Variants in GRID2 observed in about 807,000 individuals in gnomAD.
GRID2 encodes the protein glutamate receptor ionotropic, delta-2.
A neutral mutation model predicts 114.8 loss-of-function variants in GRID2; 33 were observed. The ratio of observed to expected loss-of-function variants is 0.29; its 90% CI spans 0.22 to 0.38. The LOEUF is 0.38. GRID2 is among the 10% of genes least tolerant of loss of function. The pLI is 1.00. For synonymous variants in GRID2, 505 were observed against 449.9 expected (o/e 1.12, Z -1.55); for missense variants, 1,184 against 1,257.7 (o/e 0.94, Z 0.89).
chr4:93,745,117 G>A (rs1033350321), intron 14 of GRID2, among the ~76,000 whole-genome samples: 1 of 152,094 alleles, frequency 6.6e-6, no homozygotes, highest in African/African-American at 2.4e-5. Context: ...TATTACAGTG[G>A]TCCTGAACTG....
intron 10 of GRID2, among the ~76,000 whole-genome samples, chr4:93,431,300 T>C (rs1300356659): frequency 1.3e-5 from 2 of 152,108 alleles, no homozygotes; most frequent in East Asian, 3.9e-4. Flanking sequence ...CTGTGGGTGG[T>C]AGTTGAAATC....
At chr4:93,354,297 T>C (rs1003440735) in intron 8 of GRID2, among the ~76,000 whole-genome samples, 2 of 152,062 alleles carry the variant, frequency 1.3e-5, no homozygotes, top group Non-Finnish European at 2.9e-5. Flanking sequence ...TTTCTTATAA[T>C]TTAAATTGCA....
rs535531806 is a variant in GRID2 at position 93,204,506 on chromosome 4, A to G, written c.736-2898A>G. ...TGTTAATACTCATGAATAAAACCAA[A>G]GACCAGAAGGAGAGACTATCTCCTT... On this transcript the variant is annotated intron_variant, in intron 4 of 15. Coordinates refer to ENST00000282020, the MANE Select transcript of GRID2 (RefSeq NM_001510.4). Among the ~76,000 whole-genome samples, 24 of 152,288 alleles carry G rather than the reference A, an allele frequency of 1.6e-4. 1 individual carries two copies. The highest frequency in any genetic ancestry group is 1.6e-3 in the Admixed American group (24 of 15,290).
chr4:93,723,666 A>G (rs765260135), intron 14 of GRID2, among the ~76,000 whole-genome samples: 23 of 152,230 alleles, frequency 1.5e-4, no homozygotes, highest in Non-Finnish European at 2.9e-4. Flanking sequence ...TAAAGATACC[A>G]TCAATATGTA....
intron 2 of GRID2, among the ~76,000 whole-genome samples, chr4:92,951,531 C>A (rs576750184): frequency 1.3e-5 from 2 of 151,874 alleles, no homozygotes; most frequent in Admixed American, 1.3e-4. Context: ...TTTGCTGAGA[C>A]AGGGTTTCAA....
chr4:92,987,196 A>T lies in GRID2; in HGVS notation c.245-97799A>T, dbSNP rs538760411. Among the ~76,000 whole-genome samples, 212 of 152,334 alleles carry T rather than the reference A, an allele frequency of 1.4e-3. 1 individual carries two copies. The highest frequency in any genetic ancestry group is 4.9e-3 in the African/African-American group (204 of 41,566). ...ACTAAACTTACGAGTAAGAAATCAG[A>T]ATCTCTAAAATACGGTGACTGATAA... On this transcript the variant is annotated intron_variant, in intron 2 of 15. Transcript: ENST00000282020.
At chr4:93,596,005 C>T (rs770367904) in intron 13 of GRID2, among the ~76,000 whole-genome samples, 19 of 152,146 alleles carry the variant, frequency 1.2e-4, no homozygotes, top group Admixed American at 2.6e-4. Flanking sequence ...ACTGAGGTCC[C>T]GAGTAGTTAA....
chr4:92,850,649 A>G (rs894712171), intron 2 of GRID2, among the ~76,000 whole-genome samples: 5 of 151,922 alleles, frequency 3.3e-5, no homozygotes, highest in Admixed American at 2.0e-4. Context: ...AAGAAATTTC[A>G]AGAAAGGTGA....
intron 2 of GRID2, among the ~76,000 whole-genome samples, chr4:92,857,190 G>T (rs1041903323): frequency 6.6e-6 from 1 of 152,096 alleles, no homozygotes; most frequent in African/African-American, 2.4e-5. Flanking sequence ...TTGAAATTGG[G>T]CCAATTAACA....
intron 8 of GRID2, among the ~76,000 whole-genome samples, chr4:93,354,290 C>T (rs1761097262): frequency 6.6e-6 from 1 of 151,900 alleles, no homozygotes; most frequent in Admixed American, 6.6e-5. Context: ...TTCATAATTT[C>T]TTATAATTTA....
chr4:92,530,877 A>C (rs1391196661), intron 1 of GRID2, among the ~76,000 whole-genome samples: 1 of 152,048 alleles, frequency 6.6e-6, no homozygotes, highest in Non-Finnish European at 1.5e-5. Flanking sequence ...ACTGCACTCC[A>C]AGCTGAGTGA....
intron 4 of GRID2, among the ~76,000 whole-genome samples, chr4:93,187,320 T>C (rs1390474550): frequency 6.6e-6 from 1 of 152,090 alleles, no homozygotes; most frequent in Non-Finnish European, 1.5e-5. Flanking sequence ...TCTTTTGCCC[T>C]GGCTGGAGTG....
chr4:92,670,076 T>A (rs907607510), intron 2 of GRID2, among the ~76,000 whole-genome samples: 1 of 151,982 alleles, frequency 6.6e-6, no homozygotes, highest in Non-Finnish European at 1.5e-5. Flanking sequence ...TGTAAAATAA[T>A]GTGAATAACA....
chr4:93,078,317 GT>G (rs1229217061), intron 2 of GRID2, among the ~76,000 whole-genome samples: 2 of 152,062 alleles, frequency 1.3e-5, no homozygotes, highest in Non-Finnish European at 2.9e-5. Context: ...GAGGAAAAAT[GT>G]TTTTGGGCTA....
Position 92,727,894 on chromosome 4 carries a change from T to C in GRID2, c.244+137608T>C, listed in dbSNP as rs188983552. Among the ~76,000 whole-genome samples the C allele has an allele frequency of 1.8e-3, 272 of 152,124 alleles. 1 individual carries two copies. Among genetic ancestry groups the C allele is most frequent in the African/African-American group, 6.4e-3 (266 of 41,510 alleles). On this transcript the variant is annotated intron_variant, in intron 2 of 15. Coordinates refer to ENST00000282020, the MANE Select transcript of GRID2 (RefSeq NM_001510.4). ...TCCATATGAACCCAGAGCTATATGG[T>C]TCTAAGTCCCCTTCCAATATACGGC... is the stretch of plus-strand genomic sequence containing the variant.
intron 2 of GRID2, among the ~76,000 whole-genome samples, chr4:92,852,560 C>T (rs1263740903): frequency 2.0e-5 from 3 of 151,892 alleles, no homozygotes; most frequent in African/African-American, 7.2e-5. Context: ...TCAGTGACCC[C>T]ACTCTGAAGC....
chr4:92,792,503 A>ACACACT (rs1414040335), intron 2 of GRID2, among the ~76,000 whole-genome samples: 7 of 135,944 alleles, frequency 5.1e-5, no homozygotes, highest in African/African-American at 1.9e-4. Flanking sequence ...ACACACACAC[A>ACACACT]CTGTCACTCT....
At chr4:93,139,638 C>T (rs1047916025) in intron 4 of GRID2, among the ~76,000 whole-genome samples, 3 of 152,128 alleles carry the variant, frequency 2.0e-5, no homozygotes, top group African/African-American at 7.2e-5. Context: ...TCCTAAGGCC[C>T]CCGGAAGACT....
chr4:92,771,141 A>G (rs1738524009), intron 2 of GRID2, among the ~76,000 whole-genome samples: 1 of 152,178 alleles, frequency 6.6e-6, no homozygotes, highest in African/African-American at 2.4e-5. Context: ...ATTTCCAAAC[A>G]TGTTACTGAA....
Sources: allele counts gnomAD v4.1 joint callset (sites outside exome capture counted in the v4.1 genomes callset), GRCh38; gene constraint gnomAD v4.1.1; transcripts MANE v1.5; gene names NCBI Gene and HGNC (gene_info 2026-07-23, HGNC 2026-07-21).